APBA2: variants seen among roughly 807,000 people sequenced by gnomAD.
The protein encoded by APBA2 is amyloid beta precursor protein binding family A member 2.
In APBA2, 30 loss-of-function variants were observed where a neutral mutation model predicts 75.0. The ratio of observed to expected loss-of-function variants is 0.40; its 90% CI spans 0.30 to 0.54. The LOEUF (loss-of-function observed/expected upper bound fraction) is 0.54. Among genes scored for constraint, APBA2 ranks in the 20% least tolerant of loss-of-function variants. APBA2 has a pLI of 0.49. For synonymous variants in APBA2, 444 were observed against 409.6 expected (o/e 1.08, Z -1.01); for missense variants, 801 against 1,016.1 (o/e 0.79, Z 2.88).
intron 1 of APBA2, among the ~76,000 whole-genome samples, chr15:28,904,702 T>C (rs1403765658): frequency 6.6e-6 from 1 of 151,866 alleles, no homozygotes. Flanking sequence ...ACTCCCTGTG[T>C]CCAGCAAACA....
chr15:29,081,338 A>G (rs1324596299), intron 6 of APBA2, among the ~76,000 whole-genome samples: 5 of 152,228 alleles, frequency 3.3e-5, no homozygotes, highest in Admixed American at 3.3e-4. Flanking sequence ...GGAGTTATGG[A>G]AACCCAGATG....
chr15:28,983,712 G>C (rs1297010901), intron 2 of APBA2, among the ~76,000 whole-genome samples: 1 of 152,208 alleles, frequency 6.6e-6, no homozygotes. Flanking sequence ...GGTCAGCTCT[G>C]TGGGCAGATG....
In APBA2 at chr15:29,046,862, C is replaced by T. The variant is rs2041360987; in HGVS notation, c.-40-6983C>T. 6.6e-6 allele frequency among the ~76,000 whole-genome samples: 1 copy of T among 152,226 alleles called. No individual in the cohort carries two copies. Among genetic ancestry groups the T allele is most frequent in the Admixed American group, 6.5e-5 (1 of 15,280 alleles). On this transcript the variant is annotated intron_variant, in intron 3 of 14. Coordinates refer to ENST00000683413, the MANE Select transcript of APBA2 (RefSeq NM_001353788.2). The surrounding 1 kb of genome is among the most constrained non-coding windows in gnomAD (Gnocchi z 5.0). ...CAGGGACAGTGTCATCTGGCCACAG[C>T]CACTCCCAGCCACCTGTGTCAGCAG...
intron 2 of APBA2, among the ~76,000 whole-genome samples, chr15:28,932,707 G>A (rs1371013922): frequency 2.6e-5 from 4 of 152,190 alleles, no homozygotes; most frequent in South Asian, 2.1e-4. Flanking sequence ...AGGTCCCATC[G>A]TGGCTCCTGA....
chr15:28,993,796 G>C (rs1021476783), intron 2 of APBA2, among the ~76,000 whole-genome samples: 13 of 152,172 alleles, frequency 8.5e-5, no homozygotes, highest in African/African-American at 3.1e-4. Flanking sequence ...GTCTCCTAGG[G>C]CTGGGAAACA....
At chr15:28,939,563 TTTTA>T (rs1159889189) in intron 2 of APBA2, among the ~76,000 whole-genome samples, 1 of 152,242 alleles carries the variant, frequency 6.6e-6, no homozygotes, top group African/African-American at 2.4e-5. Flanking sequence ...CTTCTTCCTT[TTTTA>T]AATGGTACTA....
At chr15:29,114,617 G>A (rs1366911895) in intron 14 of APBA2, among the ~76,000 whole-genome samples, 1 of 151,948 alleles carries the variant, frequency 6.6e-6, no homozygotes, top group Admixed American at 6.6e-5. Context: ...GTGGGTGTGT[G>A]CATGTGGATG....
intron 1 of APBA2, among the ~76,000 whole-genome samples, chr15:28,899,856 GTTTTA>G (rs974945036): frequency 1.3e-5 from 2 of 152,204 alleles, no homozygotes; most frequent in African/African-American, 4.8e-5. Flanking sequence ...TAGTAATTTA[GTTTTA>G]TTTTATTTTG....
At chr15:29,113,300 A>T (rs890792435) in intron 13 of APBA2, among the ~76,000 whole-genome samples, 1 of 152,008 alleles carries the variant, frequency 6.6e-6, no homozygotes, top group Non-Finnish European at 1.5e-5. Flanking sequence ...CCCTGTCTCC[A>T]ACAAAACCAG....
Position 28,991,622 on chromosome 15 carries a change from G to A in APBA2, c.-94-4131G>A, listed in dbSNP as rs79194565. ...CAGTCTGGGGGATACCTGCCTTTCA[G>A]TATGGGCTGCAGCCATTAGGCTGGT... On this transcript the variant is annotated intron_variant, in intron 2 of 14. Coordinates refer to ENST00000683413, the MANE Select transcript of APBA2 (RefSeq NM_001353788.2). This position sits in a 1 kb window ranked among gnomAD's most constrained non-coding sequence, Gnocchi z 4.7. Among the ~76,000 whole-genome samples the A allele has an allele frequency of 0.083, 12,695 of 152,202 alleles. 705 individuals are homozygous for A. Among genetic ancestry groups the A allele is most frequent in the East Asian group, 0.27 (1,383 of 5,154 alleles).
intron 3 of APBA2, among the ~76,000 whole-genome samples, chr15:29,035,895 A>C (rs941211942): frequency 6.6e-6 from 1 of 152,184 alleles, no homozygotes; most frequent in Non-Finnish European, 1.5e-5. Flanking sequence ...GCAGACAAAG[A>C]TCTGAAGCTG....
intron 2 of APBA2, among the ~76,000 whole-genome samples, chr15:28,928,000 C>T (rs906801232): frequency 4.0e-5 from 6 of 151,108 alleles, no homozygotes; most frequent in Admixed American, 2.0e-4. Context: ...CAAAATTAGC[C>T]AGGCGTGATG....
chr15:29,098,093 A>AC (rs1353601440), intron 8 of APBA2, among the ~76,000 whole-genome samples: 9 of 152,086 alleles, frequency 5.9e-5, no homozygotes, highest in African/African-American at 2.2e-4. Context: ...GCTGTTGTGG[A>AC]TAGTGCTGCC....
chr15:28,932,214 A>G (rs955789937), intron 2 of APBA2, among the ~76,000 whole-genome samples: 7 of 152,270 alleles, frequency 4.6e-5, no homozygotes, highest in Admixed American at 1.3e-4. Context: ...AGAGGTTCAC[A>G]TTCACCAGGG....
chr15:28,989,582 T>A (rs1350346506), intron 2 of APBA2, among the ~76,000 whole-genome samples: 1 of 152,190 alleles, frequency 6.6e-6, no homozygotes, highest in East Asian at 1.9e-4. Flanking sequence ...GTGGCCCTGC[T>A]TCCATCCCTG....
intron 2 of APBA2, among the ~76,000 whole-genome samples, chr15:28,973,799 G>C (rs2037196258): frequency 6.6e-6 from 1 of 152,196 alleles, no homozygotes; most frequent in Non-Finnish European, 1.5e-5. Flanking sequence ...TCAGCTCATT[G>C]ATTGCCCTGC....
chr15:28,994,164 A>G (rs1464644841), intron 2 of APBA2, among the ~76,000 whole-genome samples: 1 of 152,196 alleles, frequency 6.6e-6, no homozygotes, highest in Non-Finnish European at 1.5e-5. Flanking sequence ...GATTCCAGGC[A>G]ACATTCTAGA....
chr15:29,041,942 G>A (rs537001347), intron 3 of APBA2, among the ~76,000 whole-genome samples: 52 of 152,284 alleles, frequency 3.4e-4, no homozygotes, highest in Non-Finnish European at 6.6e-4. Flanking sequence ...GTTCTCTAGG[G>A]CTGCTGTAAG....
chr15:28,897,212 C>CACACACACAT (rs2032550425), intron 1 of APBA2, among the ~76,000 whole-genome samples: 1 of 150,608 alleles, frequency 6.6e-6, no homozygotes, highest in South Asian at 2.1e-4. Flanking sequence ...CACACACACA[C>CACACACACAT]GTCCACTAAA....
Sources: gnomAD v4.1 joint callset for allele counts (sites outside exome capture counted in the v4.1 genomes callset) on GRCh38, gnomAD v4.1.1 for gene constraint, Gnocchi (gnomAD v3.1) non-coding constraint, MANE v1.5 for transcripts, NCBI Gene and HGNC (gene_info 2026-07-23, HGNC 2026-07-21) for gene names.